The following MAP2 variants were observed in gnomAD, a reference collection of about 807,000 sequenced individuals.
The protein encoded by MAP2 is microtubule associated protein 2, also known as microtubule-associated protein 2.
Under a neutral mutation model 137.6 loss-of-function variants are expected in MAP2, and 14 were observed. The observed-to-expected ratio is 0.10, with a 90% CI of 0.07 to 0.16. MAP2 has a LOEUF of 0.16. Ranked by LOEUF, MAP2 falls within the 10% of genes least tolerant of loss-of-function variation. The probability of loss-of-function intolerance (pLI) is 1.00; values close to 1 mark genes in which losing one functional copy is unlikely to be tolerated. For missense variants in MAP2, 2,088 were observed against 2,191.5 expected (o/e 0.95, Z 0.94); for synonymous variants, 786 against 782.3 (o/e 1.00, Z -0.08).
At chr2:209,514,948 C>T (rs11884711) in intron 2 of MAP2, among the ~76,000 whole-genome samples, 2 of 151,760 alleles carry the variant, frequency 1.3e-5, no homozygotes, top group African/African-American at 2.4e-5. Context: ...GGAATGCCTT[C>T]TGAGTCATTC....
At chr2:209,538,964 T>C (rs752516483) in intron 2 of MAP2, among the ~76,000 whole-genome samples, 38 of 152,232 alleles carry the variant, frequency 2.5e-4, no homozygotes, top group East Asian at 1.9e-4. Flanking sequence ...CTAGTTTTAT[T>C]AACTTTTAAT....
intron 1 of MAP2, among the ~76,000 whole-genome samples, chr2:209,476,139 A>G (rs1707153522): frequency 6.6e-6 from 1 of 152,160 alleles, no homozygotes; most frequent in East Asian, 1.9e-4. Flanking sequence ...AAATACTTTA[A>G]AAATGGGTAT....
intron 4 of MAP2, among the ~76,000 whole-genome samples, chr2:209,649,798 G>A (rs2094657428): frequency 6.6e-6 from 1 of 152,178 alleles, no homozygotes; most frequent in Non-Finnish European, 1.5e-5. Flanking sequence ...TTACCAGGAA[G>A]TTGGGTGATA....
chr2:209,521,983 A>G (rs1187336941), intron 2 of MAP2, among the ~76,000 whole-genome samples: 1 of 152,172 alleles, frequency 6.6e-6, no homozygotes, highest in African/African-American at 2.4e-5. Context: ...GCTTTGGTTC[A>G]GAAAGTATTG....
intron 2 of MAP2, among the ~76,000 whole-genome samples, chr2:209,558,949 C>CCTCT (rs1290524675): frequency 6.6e-6 from 1 of 151,912 alleles, no homozygotes; most frequent in East Asian, 1.9e-4. Flanking sequence ...TGTAAAAGTA[C>CCTCT]CTCTCTGCCT....
chr2:209,505,907 G>A (rs113004143), intron 1 of MAP2, among the ~76,000 whole-genome samples: 8,793 of 152,068 alleles, frequency 0.058, 290 homozygotes, highest in South Asian at 0.092. Context: ...GGGAGGTTGA[G>A]GCTGTAGTGA....
chr2:209,477,756 G>A (rs1707661284), intron 1 of MAP2, among the ~76,000 whole-genome samples: 1 of 151,918 alleles, frequency 6.6e-6, no homozygotes, highest in African/African-American at 2.4e-5. Context: ...TGGTTACTCT[G>A]GAGGTTAAAA....
rs933069906 is a variant in MAP2 at position 209,731,832 on chromosome 2, A to G, written c.*1435A>G. 6 of 152,188 alleles carry G rather than the reference A, an allele frequency of 3.9e-5. No homozygotes were observed. Among genetic ancestry groups the G allele is most frequent in the Non-Finnish European group, 7.3e-5 (5 of 68,046 alleles). The allele number at this position is 152,188 out of a possible 1,614,324, so 9.4% of individuals were successfully genotyped here. ...TATAGCTATAAAACACTTGAGACAC[A>G]GATATCTAAATCAGTTTTTTTCCAA... On this transcript the variant is annotated 3_prime_UTR_variant, in exon 16 of 16. Coordinates refer to ENST00000682079, the MANE Select transcript of MAP2 (RefSeq NM_001375505.1).
chr2:209,444,750 G>A (rs1698640353), intron 1 of MAP2, among the ~76,000 whole-genome samples: 1 of 151,396 alleles, frequency 6.6e-6, no homozygotes, highest in African/African-American at 2.4e-5. Flanking sequence ...AACTTAGTTT[G>A]CTATTCAACC....
intron 2 of MAP2, among the ~76,000 whole-genome samples, chr2:209,538,507 C>T (rs1296900296): frequency 6.7e-6 from 1 of 148,632 alleles, no homozygotes; most frequent in Non-Finnish European, 1.5e-5. Flanking sequence ...AAGAAATCAG[C>T]AGGTCAGAGC....
chr2:209,592,814 A>C (rs1449673744), intron 3 of MAP2, among the ~76,000 whole-genome samples: 1 of 152,146 alleles, frequency 6.6e-6, no homozygotes, highest in African/African-American at 2.4e-5. Flanking sequence ...TTTAATTCAA[A>C]GGAATTGTGG....
In MAP2 at chr2:209,600,075, A is replaced by G. The variant is rs561539845; in HGVS notation, c.-107+19975A>G. ...TTGATAAAGACAAAGCCTATCATTA[A>G]ACAAAAGCTAAGACCTATAAAAGGA... On this transcript the variant is annotated intron_variant, in intron 3 of 15. Transcript: ENST00000682079. Among the ~76,000 whole-genome samples the G allele has an allele frequency of 2.0e-5, 3 of 152,320 alleles. No individual in the cohort carries two copies. The East Asian group carries it at 5.8e-4, about 29-fold the overall frequency.
At chr2:209,616,391 C>A (rs914440329) in intron 3 of MAP2, among the ~76,000 whole-genome samples, 3 of 149,584 alleles carry the variant, frequency 2.0e-5, no homozygotes, top group South Asian at 2.1e-4. Context: ...AGTTTGAGTT[C>A]TTTTTACTTC....
intron 11 of MAP2, among the ~76,000 whole-genome samples, chr2:209,701,543 T>A (rs1268765400): frequency 1.3e-5 from 2 of 152,040 alleles, no homozygotes; most frequent in Admixed American, 1.3e-4. Context: ...AGCAAACACA[T>A]GTAATATGTA....
At chr2:209,529,934 C>T (rs1451624070) in intron 2 of MAP2, among the ~76,000 whole-genome samples, 14 of 110,884 alleles carry the variant, frequency 1.3e-4, no homozygotes, top group Non-Finnish European at 2.3e-4. Flanking sequence ...GAGAAACAAA[C>T]TCAATAATTC....
chr2:209,664,611 AACAAAATGGTCT>A (rs1166296463), intron 5 of MAP2, among the ~76,000 whole-genome samples: 2 of 152,086 alleles, frequency 1.3e-5, no homozygotes, highest in African/African-American at 2.4e-5. Flanking sequence ...AAATCACATA[AACAAAATGGTCT>A]ACAAAATTTA....
chr2:209,604,378 T>C (rs1012803152), intron 3 of MAP2, among the ~76,000 whole-genome samples: 2 of 152,120 alleles, frequency 1.3e-5, no homozygotes, highest in African/African-American at 4.8e-5. Context: ...TAACACAGGG[T>C]GTACAGTGCC....
chr2:209,700,307 G>C lies in MAP2; in HGVS notation c.4553G>C (p.Ser1518Thr), dbSNP rs745598144. 1 of 1,613,490 alleles carries C rather than the reference G, an allele frequency of 6.2e-7. No individual in the cohort carries two copies. Among genetic ancestry groups the C allele is most frequent in the Non-Finnish European group, 8.5e-7 (1 of 1,179,702 alleles). ...AAGGESALAP[S>T]VFKQAKDKVS... Reference sequence around the variant, plus strand: ...GGTGGGGAATCAGCTCTGGCTCCCAGTGTATTTAAACAGGCAAAGGACAAA... The same window carrying C: ...GGTGGGGAATCAGCTCTGGCTCCCACTGTATTTAAACAGGCAAAGGACAAA... The change falls in exon 11 of 16, where the codon AGT becomes ACT. Residue 1518 changes from serine to threonine, a missense_variant. Transcript: ENST00000682079.
chr2:209,607,086 T>C (rs574320524), intron 3 of MAP2, among the ~76,000 whole-genome samples: 1 of 152,278 alleles, frequency 6.6e-6, no homozygotes, highest in African/African-American at 2.4e-5. Context: ...CACCAACATG[T>C]TTCTATGTTA....
Sources: allele counts gnomAD v4.1 joint callset (sites outside exome capture counted in the v4.1 genomes callset), GRCh38; gene constraint gnomAD v4.1.1; transcripts MANE v1.5; gene names NCBI Gene and HGNC (gene_info 2026-07-23, HGNC 2026-07-21).